The following GPM6A variants were observed in gnomAD, a reference collection of about 807,000 sequenced individuals.
GPM6A encodes the protein glycoprotein M6A.
GPM6A carries 7 observed loss-of-function variants against 32.1 expected under a neutral mutation model. The ratio of observed to expected loss-of-function variants is 0.22; its 90% CI spans 0.12 to 0.41. The LOEUF (loss-of-function observed/expected upper bound fraction) is 0.41, where lower values mean the gene tolerates loss of function less well. Ranked by LOEUF, GPM6A falls within the 10% of genes least tolerant of loss-of-function variation. The pLI is 1.00. For synonymous variants in GPM6A, 130 were observed against 123.4 expected, an observed-to-expected ratio of 1.05 and a Z score of -0.35; for missense variants, 235 against 347.2, an observed-to-expected ratio of 0.68 and a Z score of 2.57.
At chr4:175,892,881 G>A (rs994029845) in intron 1 of GPM6A, among the ~76,000 whole-genome samples, 1 of 152,168 alleles carries the variant, frequency 6.6e-6, no homozygotes, top group Non-Finnish European at 1.5e-5. Context: ...TCAAGACTCA[G>A]ATCAGGACTG....
chr4:175,750,235 T>C (rs1366527674), intron 1 of GPM6A, among the ~76,000 whole-genome samples: 1 of 152,082 alleles, frequency 6.6e-6, no homozygotes, highest in Non-Finnish European at 1.5e-5. Flanking sequence ...ATTTTGTATT[T>C]TTATTAGAGA....
intron 6 of GPM6A, among the ~76,000 whole-genome samples, chr4:175,636,287 T>A (rs867016266): frequency 8.1e-6 from 1 of 123,150 alleles, no homozygotes; most frequent in African/African-American, 2.7e-5. Flanking sequence ...TATATATATA[T>A]ATATATATAT....
chr4:175,779,745 A>C (rs921426065), intron 1 of GPM6A, among the ~76,000 whole-genome samples: 2 of 152,222 alleles, frequency 1.3e-5, no homozygotes, highest in African/African-American at 4.8e-5. Flanking sequence ...CTTTGGCAAC[A>C]GATACACCCA....
At chr4:175,990,183 G>A (rs1186305965) in intron 1 of GPM6A, among the ~76,000 whole-genome samples, 1 of 152,122 alleles carries the variant, frequency 6.6e-6, no homozygotes, top group Non-Finnish European at 1.5e-5. Context: ...CAAATAAAAA[G>A]ATGTTTTTCC....
chr4:175,844,145 CT>C (rs1185109578), intron 1 of GPM6A, among the ~76,000 whole-genome samples: 1 of 152,188 alleles, frequency 6.6e-6, no homozygotes, highest in Admixed American at 6.5e-5. Flanking sequence ...TCTCTCTTCA[CT>C]ATGGCAATAG....
rs114656924 is a variant in GPM6A at position 175,910,141 on chromosome 4, G to A, written c.-23+92168C>T. On this transcript the variant is annotated intron_variant, in intron 1 of 7. Transcript: ENST00000280187. ...CTACAGATGTGCTAATCACAGGATC[G>A]CAGTGTTCCTGAATATTTAACAACC... Among the ~76,000 whole-genome samples the A allele has an allele frequency of 5.9e-3, 905 of 152,120 alleles. 15 individuals carry two copies. The highest frequency in any genetic ancestry group is 0.021 in the African/African-American group (868 of 41,476).
chr4:175,811,683 T>C (rs1734925460), intron 1 of GPM6A, among the ~76,000 whole-genome samples: 1 of 152,230 alleles, frequency 6.6e-6, no homozygotes, highest in Non-Finnish European at 1.5e-5. Flanking sequence ...AAACCTATAT[T>C]GCATCCTCGT....
At chr4:175,967,217 T>G (rs1345907108) in intron 1 of GPM6A, among the ~76,000 whole-genome samples, 1 of 152,194 alleles carries the variant, frequency 6.6e-6, no homozygotes, top group Non-Finnish European at 1.5e-5. Context: ...TGACAACAGA[T>G]GCAGAATAAA....
intron 1 of GPM6A, among the ~76,000 whole-genome samples, chr4:175,736,147 T>C (rs2111155342): frequency 6.6e-6 from 1 of 152,256 alleles, no homozygotes; most frequent in East Asian, 1.9e-4. Context: ...AACCTCAGCC[T>C]TCCAATTAGT....
chr4:175,927,006 T>C (rs1738862695), intron 1 of GPM6A, among the ~76,000 whole-genome samples: 1 of 152,234 alleles, frequency 6.6e-6, no homozygotes, highest in Non-Finnish European at 1.5e-5. Flanking sequence ...ATTTAAAATA[T>C]TGTTCACTTT....
At chr4:175,788,895 C>T (rs552183845) in intron 1 of GPM6A, among the ~76,000 whole-genome samples, 1 of 152,046 alleles carries the variant, frequency 6.6e-6, no homozygotes, top group Admixed American at 6.6e-5. Flanking sequence ...AGAGCCATAG[C>T]TCCATACAAG....
chr4:175,951,812 T>C (rs1739822840), intron 1 of GPM6A, among the ~76,000 whole-genome samples: 1 of 152,222 alleles, frequency 6.6e-6, no homozygotes, highest in Admixed American at 6.5e-5. Flanking sequence ...TGGTAAACTT[T>C]TCATAAGCAG....
intron 1 of GPM6A, chr4:175,971,910 T>C (rs986733685): frequency 6.6e-6 from 1 of 152,174 alleles, no homozygotes; most frequent in Admixed American, 6.5e-5. Flanking sequence ...CTCTTGCTTT[T>C]GGGAGGGTGG....
intron 1 of GPM6A, among the ~76,000 whole-genome samples, chr4:175,739,269 G>A (rs13152426): frequency 0.22 from 33,051 of 151,924 alleles, 3,859 homozygotes; most frequent in East Asian, 0.26. Flanking sequence ...TAGTCATCTG[G>A]CATGTGTATT....
At chr4:175,802,204 A>G (rs1157239485) in intron 1 of GPM6A, among the ~76,000 whole-genome samples, 7 of 152,156 alleles carry the variant, frequency 4.6e-5, no homozygotes, top group Non-Finnish European at 1.0e-4. Context: ...CAGCCTGGCT[A>G]TACAACTGGC....
At chr4:175,874,556 C>T (rs1737020348) in intron 1 of GPM6A, among the ~76,000 whole-genome samples, 2 of 151,938 alleles carry the variant, frequency 1.3e-5, no homozygotes, top group African/African-American at 4.8e-5. Flanking sequence ...GCTTTTGAAA[C>T]TTTCACAGAG....
intron 3 of GPM6A, among the ~76,000 whole-genome samples, chr4:175,665,796 A>T (rs540191849): frequency 6.6e-6 from 1 of 151,954 alleles, no homozygotes; most frequent in African/African-American, 2.4e-5. Context: ...AAAAAAAGGC[A>T]TCATCTTAGT....
intron 1 of GPM6A, among the ~76,000 whole-genome samples, chr4:175,908,599 A>G (rs1179548345): frequency 6.6e-6 from 1 of 152,180 alleles, no homozygotes; most frequent in African/African-American, 2.4e-5. Flanking sequence ...AGAAGTTTGT[A>G]TCATCAAAGG....
chr4:175,661,923 C>T (rs1742444505), intron 3 of GPM6A, among the ~76,000 whole-genome samples: 2 of 151,898 alleles, frequency 1.3e-5, no homozygotes, highest in Non-Finnish European at 2.9e-5. Context: ...GTCAGAACTT[C>T]AAATATTTAA....
Sources: allele counts gnomAD v4.1 joint callset (sites outside exome capture counted in the v4.1 genomes callset), GRCh38; gene constraint gnomAD v4.1.1; transcripts MANE v1.5; gene names NCBI Gene and HGNC (gene_info 2026-07-23, HGNC 2026-07-21).